The following PDE7A variants were observed in gnomAD, a reference collection of about 807,000 sequenced individuals.
The protein encoded by PDE7A is phosphodiesterase 7A, also known as high affinity 3',5'-cyclic-AMP phosphodiesterase 7A.
A neutral mutation model predicts 64.3 loss-of-function variants in PDE7A; 39 were observed. The observed-to-expected ratio is 0.61, with a 90% CI of 0.47 to 0.79. The LOEUF (loss-of-function observed/expected upper bound fraction) is 0.79, where lower values mean the gene tolerates loss of function less well. Among genes scored for constraint, PDE7A ranks in the 30% least tolerant of loss-of-function variants. The probability of loss-of-function intolerance (pLI) is 0.00; values close to 1 mark genes in which losing one functional copy is unlikely to be tolerated. For missense variants in PDE7A, 470 were observed against 582.8 expected (o/e 0.81, Z 1.99); for synonymous variants, 203 against 206.8 (o/e 0.98, Z 0.16).
At chr8:65,819,826 T>C (rs67813477) in intron 1 of PDE7A, among the ~76,000 whole-genome samples, 17,237 of 152,234 alleles carry the variant, frequency 0.11, 1,052 homozygotes, top group Non-Finnish European at 0.14. Flanking sequence ...GCCTCCCTTA[T>C]AGGTAGGCAT....
chr8:65,796,955 T>C (rs1809858851), intron 1 of PDE7A, among the ~76,000 whole-genome samples: 1 of 152,164 alleles, frequency 6.6e-6, no homozygotes, highest in South Asian at 2.1e-4. Context: ...ACAAAAGAGC[T>C]ACTGGAACTA....
Position 65,719,232 on chromosome 8 carries a change from C to T in PDE7A, c.*58G>A. On this transcript the variant is annotated 3_prime_UTR_variant, in exon 13 of 13. Coordinates refer to ENST00000401827, the MANE Select transcript of PDE7A (RefSeq NM_001242318.3). Reference sequence around the variant, plus strand: ...AGAGTTAAGTTCTCTCACCTCAAGACCCCATTTCACATTTCTAAAAACCTC... The same window carrying T: ...AGAGTTAAGTTCTCTCACCTCAAGATCCCATTTCACATTTCTAAAAACCTC... 1.7e-6 allele frequency: 2 copies of T among 1,167,770 alleles called. No homozygotes were observed. The highest frequency in any genetic ancestry group is 1.3e-6 in the Non-Finnish European group (1 of 774,382). The allele number at this position is 1,167,770 out of a possible 1,614,324, so 72.3% of individuals were successfully genotyped here.
intron 7 of PDE7A, among the ~76,000 whole-genome samples, chr8:65,729,789 G>A (rs547343862): frequency 7.5e-4 from 113 of 151,358 alleles, no homozygotes; most frequent in South Asian, 2.3e-3. Flanking sequence ...GGCTGGTCTC[G>A]AATTCCTAAT....
chr8:65,728,527 A>T (rs1806701534), intron 7 of PDE7A: 1 of 152,188 alleles, frequency 6.6e-6, no homozygotes, highest in South Asian at 2.1e-4. Context: ...AAGGTCAATG[A>T]ATAGGAGAAG....
At chr8:65,831,603 A>G (rs1383069786) in intron 1 of PDE7A, among the ~76,000 whole-genome samples, 1 of 152,128 alleles carries the variant, frequency 6.6e-6, no homozygotes, top group African/African-American at 2.4e-5. Context: ...ATTACTTTAC[A>G]ATAATCAGAG....
chr8:65,770,121 CTGTGTGTG>C (rs10608556), intron 3 of PDE7A, among the ~76,000 whole-genome samples: 5,903 of 146,510 alleles, frequency 0.04, 119 homozygotes, highest in African/African-American at 0.06. Flanking sequence ...CAGTATACTT[CTGTGTGTG>C]TGTGTGTGTG....
intron 1 of PDE7A, among the ~76,000 whole-genome samples, chr8:65,784,139 T>C (rs992462759): frequency 6.6e-6 from 1 of 151,730 alleles, no homozygotes; most frequent in Non-Finnish European, 1.5e-5. Context: ...AGCCTAGGAG[T>C]TGGAGGCTGC....
chr8:65,835,301 A>G lies in PDE7A; in HGVS notation c.138+6070T>C, dbSNP rs1175603832. 3.3e-5 allele frequency among the ~76,000 whole-genome samples: 5 copies of G among 152,388 alleles called. No individual in the cohort carries two copies. In the East Asian group the frequency reaches 9.6e-4, roughly 29 times the overall value. On this transcript the variant is annotated intron_variant, in intron 1 of 12. Coordinates refer to ENST00000401827, the MANE Select transcript of PDE7A (RefSeq NM_001242318.3). ...GTCAAGAGACTTCTAACAAAATCAG[A>G]AATAGATTTTACATAAACACATAAA...
chr8:65,837,034 C>T (rs1043531998), intron 1 of PDE7A, among the ~76,000 whole-genome samples: 2 of 152,182 alleles, frequency 1.3e-5, no homozygotes, highest in Non-Finnish European at 2.9e-5. Flanking sequence ...GCATACATGC[C>T]TTATCATCTC....
chr8:65,779,724 GA>G lies in PDE7A; in HGVS notation c.278del (p.Phe93SerfsTer20). On this transcript the variant is annotated frameshift_variant, in exon 3 of 13. Coordinates refer to ENST00000401827, the MANE Select transcript of PDE7A (RefSeq NM_001242318.3). LOFTEE classifies it high-confidence loss of function. ...TTCATGTCTACCAACACTTACAGTGGAAAATACGAAAATCAATATATGGGTG... is the reference window on the plus strand; with the variant it reads ...TTCATGTCTACCAACACTTACAGTGGAAATACGAAAATCAATATATGGGTG... ...GSHPYIDFRI[F>X]HSQSEIEVSV... is the part of the protein sequence containing the mutation. 3.9e-6 allele frequency: 6 copies of G among 1,542,074 alleles called. No homozygotes were observed. Among genetic ancestry groups the G allele is most frequent in the Admixed American group, 1.8e-5 (1 of 55,678 alleles).
intron 3 of PDE7A, among the ~76,000 whole-genome samples, chr8:65,778,785 C>T (rs1239948648): frequency 1.3e-5 from 2 of 152,134 alleles, no homozygotes; most frequent in African/African-American, 2.4e-5. Flanking sequence ...CTGCAGGTGG[C>T]AAGAAACATG....
intron 1 of PDE7A, among the ~76,000 whole-genome samples, chr8:65,787,485 G>A (rs1206201720): frequency 1.3e-5 from 2 of 152,122 alleles, no homozygotes; most frequent in African/African-American, 4.8e-5. Flanking sequence ...TCTTACATAT[G>A]CTAGAAAAAC....
At chr8:65,720,277 T>C (rs1317265551) in intron 12 of PDE7A, 1 of 153,204 alleles carries the variant, frequency 6.5e-6, no homozygotes. Flanking sequence ...CTCTAGAAAA[T>C]AGCTATCAAT....
intron 7 of PDE7A, among the ~76,000 whole-genome samples, chr8:65,730,199 A>G (rs1382781409): frequency 8.9e-5 from 1 of 11,246 alleles, no homozygotes; most frequent in African/African-American, 3.3e-4. Context: ...TTTTTTTTTG[A>G]GATGGAGTTT....
intron 1 of PDE7A, among the ~76,000 whole-genome samples, chr8:65,786,810 C>T (rs1809569248): frequency 6.6e-6 from 1 of 152,154 alleles, no homozygotes; most frequent in Non-Finnish European, 1.5e-5. Context: ...CTGGGAACAG[C>T]TTGTAAAGCG....
At chr8:65,773,397 G>C (rs1809167596) in intron 3 of PDE7A, among the ~76,000 whole-genome samples, 1 of 152,112 alleles carries the variant, frequency 6.6e-6, no homozygotes, top group African/African-American at 2.4e-5. Context: ...TTACACATTT[G>C]TCACCTTTTA....
intron 1 of PDE7A, among the ~76,000 whole-genome samples, chr8:65,832,497 T>C (rs1031699451): frequency 2.6e-5 from 4 of 152,178 alleles, no homozygotes; most frequent in Non-Finnish European, 5.9e-5. Context: ...TAGCATTGTG[T>C]ACATGTAACC....
chr8:65,798,247 G>A (rs762318270), intron 1 of PDE7A, among the ~76,000 whole-genome samples: 29 of 141,532 alleles, frequency 2.0e-4, no homozygotes, highest in Non-Finnish European at 3.9e-4. Flanking sequence ...TGTCACCCAG[G>A]CTGCTGGAGT....
At chr8:65,728,828 A>G (rs754477572) in intron 7 of PDE7A, among the ~76,000 whole-genome samples, 1 of 152,258 alleles carries the variant, frequency 6.6e-6, no homozygotes, top group Non-Finnish European at 1.5e-5. Flanking sequence ...AAATTAATGT[A>G]TGACTGCACA....
Sources: allele counts gnomAD v4.1 joint callset (sites outside exome capture counted in the v4.1 genomes callset), GRCh38; gene constraint gnomAD v4.1.1; transcripts MANE v1.5; gene names NCBI Gene and HGNC (gene_info 2026-07-23, HGNC 2026-07-21).